The following ATG7 variants were observed in gnomAD, a reference collection of about 807,000 sequenced individuals.
ATG7 encodes the protein ubiquitin-like modifier-activating enzyme ATG7.
In ATG7, 70 loss-of-function variants were observed where a neutral mutation model predicts 82.4. That is an observed-to-expected ratio of 0.85 (90% CI 0.70 to 1.04). ATG7 has a LOEUF of 1.04. Among genes scored for constraint, ATG7 ranks in the 50% least tolerant of loss-of-function variants. ATG7 has a pLI of 0.00. For synonymous variants in ATG7, 287 were observed against 313.0 expected (o/e 0.92, Z 0.88); for missense variants, 792 against 864.3 (o/e 0.92, Z 1.05).
chr3:11,400,141 C>T (rs544958971), intron 19 of ATG7, among the ~76,000 whole-genome samples: 5 of 152,300 alleles, frequency 3.3e-5, no homozygotes, highest in Admixed American at 2.6e-4. Context: ...AGAGAATGCT[C>T]ATCCCAGCTT....
chr3:11,364,311 T>C (rs1193007580), intron 17 of ATG7, among the ~76,000 whole-genome samples: 1 of 152,240 alleles, frequency 6.6e-6, no homozygotes, highest in Non-Finnish European at 1.5e-5. Flanking sequence ...TAATGTTTAT[T>C]GGCCTCTGAT....
chr3:11,329,825 T>C (rs1433841589), intron 9 of ATG7, among the ~76,000 whole-genome samples: 1 of 152,210 alleles, frequency 6.6e-6, no homozygotes, highest in African/African-American at 2.4e-5. Context: ...AACTCAGCTC[T>C]AGACATTTCC....
intron 19 of ATG7, among the ~76,000 whole-genome samples, chr3:11,406,976 C>T (rs1167494898): frequency 6.6e-6 from 1 of 152,170 alleles, no homozygotes; most frequent in Non-Finnish European, 1.5e-5. Context: ...ATTTCAAAAC[C>T]AATCATGTCT....
chr3:11,339,211 G>C (rs1433386999), intron 11 of ATG7, among the ~76,000 whole-genome samples: 1 of 150,440 alleles, frequency 6.6e-6, no homozygotes, highest in African/African-American at 2.4e-5. Flanking sequence ...CAGGAGAATG[G>C]CGTGAACCCA....
At chr3:11,460,926 G>C (rs578106264) in intron 20 of ATG7, among the ~76,000 whole-genome samples, 5 of 152,248 alleles carry the variant, frequency 3.3e-5, no homozygotes, top group African/African-American at 1.2e-4. Flanking sequence ...GAACCACCTG[G>C]TATGACCAAC....
chr3:11,519,524 C>CA (rs1381536654), intron 20 of ATG7, among the ~76,000 whole-genome samples: 1 of 126,874 alleles, frequency 7.9e-6, no homozygotes, highest in East Asian at 2.7e-4. Context: ...TCATGAAAGG[C>CA]AGGCAGTGAG....
chr3:11,541,646 G>A (rs34698706), intron 20 of ATG7, among the ~76,000 whole-genome samples: 13,813 of 152,116 alleles, frequency 0.091, 739 homozygotes, highest in East Asian at 0.23. Context: ...AAGTGAAGTT[G>A]GTGTGTTTAT....
intron 9 of ATG7, among the ~76,000 whole-genome samples, chr3:11,317,248 G>A (rs17034274): frequency 0.038 from 5,783 of 152,122 alleles, 125 homozygotes; most frequent in African/African-American, 0.051. Context: ...CAATAAGACC[G>A]TTAATAATTT....
rs553642657 is a variant in ATG7 at position 11,450,458 on chromosome 3, C to A, written c.2079+23532C>A. Among the ~76,000 whole-genome samples, 6 of 152,258 alleles carry A rather than the reference C, an allele frequency of 3.9e-5. No homozygotes were observed. The East Asian group carries it at 1.2e-3, about 29-fold the overall frequency. ...TACCTCTTTAGGTCAGAAAATCTTG[C>A]CAGTTTATAAAGATTCTCTGGGACT... On this transcript the variant is annotated intron_variant, in intron 20 of 20. Coordinates refer to ENST00000693202, the MANE Select transcript of ATG7 (RefSeq NM_001349232.2).
intron 19 of ATG7, among the ~76,000 whole-genome samples, chr3:11,410,608 A>G (rs372923104): frequency 6.6e-6 from 1 of 152,126 alleles, no homozygotes; most frequent in African/African-American, 2.4e-5. Context: ...TTCTCTCTCC[A>G]GCCCTGCCAG....
rs1037906743 is a variant in ATG7 at position 11,466,188 on chromosome 3, C to T, written c.2079+39262C>T. On this transcript the variant is annotated intron_variant, in intron 20 of 20. Transcript: ENST00000693202. Reference sequence around the variant, plus strand: ...AGAAGCTGCTGCAGACATCACAAGACTTGTTATACAAGGAAACATGATTAC... The same window carrying T: ...AGAAGCTGCTGCAGACATCACAAGATTTGTTATACAAGGAAACATGATTAC... Among the ~76,000 whole-genome samples the T allele has an allele frequency of 2.0e-5, 3 of 152,194 alleles. No homozygotes were observed. In the East Asian group the frequency reaches 5.8e-4, roughly 29 times the overall value.
the ATG7 span, among the ~76,000 whole-genome samples, chr3:11,575,110 A>G: frequency 6.6e-6 from 1 of 152,138 alleles, no homozygotes; most frequent in Non-Finnish European, 1.5e-5. Flanking sequence ...TGAGAGGTGG[A>G]GGGATCTGCC....
chr3:11,342,307 G>T (rs2152776621), intron 13 of ATG7, 28 bp downstream of exon 13: 1 of 1,596,942 alleles, frequency 6.3e-7, no homozygotes, highest in East Asian at 2.3e-5. Context: ...GGTGCAAATG[G>T]CACCTTTGAA....
At chr3:11,395,965 A>AAGGG (rs1435086133) in intron 19 of ATG7, among the ~76,000 whole-genome samples, 3 of 78,084 alleles carry the variant, frequency 3.8e-5, no homozygotes, top group African/African-American at 1.2e-4. Flanking sequence ...AAAAAAAAAA[A>AAGGG]GGTAGGGGGG....
intron 19 of ATG7, among the ~76,000 whole-genome samples, chr3:11,415,794 A>C (rs2081325876): frequency 6.6e-6 from 1 of 151,376 alleles, no homozygotes; most frequent in African/African-American, 2.4e-5. Flanking sequence ...GAGGGATTAC[A>C]CTTTGCTAAA....
At chr3:11,458,470 A>C (rs1016114593) in intron 20 of ATG7, among the ~76,000 whole-genome samples, 2 of 152,066 alleles carry the variant, frequency 1.3e-5, no homozygotes, top group African/African-American at 4.8e-5. Context: ...TCACCGTGTT[A>C]GCCAGGATGG....
At chr3:11,475,909 C>CACACACACACACACACG (rs1479988312) in intron 20 of ATG7, among the ~76,000 whole-genome samples, 1 of 104,698 alleles carries the variant, frequency 9.6e-6, no homozygotes, top group African/African-American at 3.2e-5. Context: ...ACACACACAC[C>CACACACACACACACACG]CCCTCCCAGA....
chr3:11,453,727 C>T (rs1196242097), intron 20 of ATG7, among the ~76,000 whole-genome samples: 1 of 152,134 alleles, frequency 6.6e-6, no homozygotes, highest in Non-Finnish European at 1.5e-5. Flanking sequence ...TGTGTCCCTT[C>T]CCTGGGTGGG....
chr3:11,516,517 C>T (rs1282306460), intron 20 of ATG7, among the ~76,000 whole-genome samples: 2 of 152,144 alleles, frequency 1.3e-5, no homozygotes, highest in African/African-American at 2.4e-5. Context: ...AATGGCACAG[C>T]CACTTAAAAC....
Sources: gnomAD v4.1 joint callset for allele counts (sites outside exome capture counted in the v4.1 genomes callset) on GRCh38, gnomAD v4.1.1 for gene constraint, MANE v1.5 for transcripts, NCBI Gene and HGNC (gene_info 2026-07-23, HGNC 2026-07-21) for gene names.